Variants in TCF4 observed in about 807,000 individuals in gnomAD.
The protein encoded by TCF4 is SL3-3 enhancer factor 2.
A neutral mutation model predicts 82.1 loss-of-function variants in TCF4; 3 were observed. The ratio of observed to expected loss-of-function variants is 0.04; its 90% CI spans 0.02 to 0.09. The LOEUF (loss-of-function observed/expected upper bound fraction) is 0.09. TCF4 is among the 10% of genes least tolerant of loss of function. The probability of loss-of-function intolerance (pLI) is 1.00; values close to 1 mark genes in which losing one functional copy is unlikely to be tolerated. For missense variants in TCF4, 518 were observed against 852.7 expected (o/e 0.61, Z 4.89); for synonymous variants, 276 against 309.6 (o/e 0.89, Z 1.14).
At chr18:55,459,586 T>A (rs1458468258) in intron 5 of TCF4, among the ~76,000 whole-genome samples, 1 of 152,186 alleles carries the variant, frequency 6.6e-6, no homozygotes, top group Non-Finnish European at 1.5e-5. Context: ...TGTGTGGAGA[T>A]GAATAGAGAA....
intron 3 of TCF4, among the ~76,000 whole-genome samples, chr18:55,501,073 T>G (rs769870395): frequency 6.6e-6 from 1 of 152,204 alleles, no homozygotes; most frequent in Non-Finnish European, 1.5e-5. Context: ...AATGAGTGAT[T>G]AAAAGAATTC....
Position 55,394,326 on chromosome 18 carries a change from C to T in TCF4, c.369+9128G>A, listed in dbSNP as rs546651909. On this transcript the variant is annotated intron_variant, in intron 6 of 19. Coordinates refer to ENST00000354452, the MANE Select transcript of TCF4 (RefSeq NM_001083962.2). Reference sequence around the variant, plus strand: ...GTCCTGCCTAATAACCTCAATGATACTCCTACATAATTATTCCGAAGCACG... The same window carrying T: ...GTCCTGCCTAATAACCTCAATGATATTCCTACATAATTATTCCGAAGCACG... Among the ~76,000 whole-genome samples, 19 of 152,280 alleles carry T rather than the reference C, an allele frequency of 1.2e-4. 1 individual carries two copies. In the South Asian group the frequency reaches 3.9e-3, roughly 32 times the overall value.
chr18:55,330,176 A>ATTTTTTTTTTTTTTTTTTTTTTTTTTTT (rs3077897), intron 8 of TCF4, among the ~76,000 whole-genome samples: 1 of 110,478 alleles, frequency 9.1e-6, no homozygotes. Context: ...GCAATGTTGG[A>ATTTTTTTTTTTTTTTTTTTTTTTTTTTT]TTTTTTTTTT....
chr18:55,399,916 ACACACACAC>A (rs1350406366), intron 6 of TCF4, among the ~76,000 whole-genome samples: 3 of 150,418 alleles, frequency 2.0e-5, no homozygotes, highest in African/African-American at 4.9e-5. Context: ...ACACACACAC[ACACACACAC>A]AATACTAAAA....
At chr18:55,296,798 G>T (rs1268546415) in intron 8 of TCF4, among the ~76,000 whole-genome samples, 2 of 152,212 alleles carry the variant, frequency 1.3e-5, no homozygotes, top group East Asian at 3.9e-4. Context: ...GCTCCTAATT[G>T]AAAAAATTTA....
chr18:55,600,792 G>T (rs1467443790), intron 2 of TCF4, among the ~76,000 whole-genome samples: 2 of 152,108 alleles, frequency 1.3e-5, no homozygotes, highest in African/African-American at 4.8e-5. Context: ...CAAAAATACT[G>T]TATTCAAAAA....
At chr18:55,306,108 T>TG (rs2070237945) in intron 8 of TCF4, among the ~76,000 whole-genome samples, 2 of 152,178 alleles carry the variant, frequency 1.3e-5, no homozygotes, top group Non-Finnish European at 2.9e-5. Context: ...AACAACAAAA[T>TG]CAACCACTGA....
chr18:55,471,742 G>A (rs1006702461), intron 3 of TCF4, among the ~76,000 whole-genome samples: 9 of 149,826 alleles, frequency 6.0e-5, no homozygotes, highest in Admixed American at 3.4e-4. Context: ...CTCCAGCCTC[G>A]GTGACTGAGC....
intron 3 of TCF4, among the ~76,000 whole-genome samples, chr18:55,530,309 T>C (rs747682552): frequency 1.6e-4 from 25 of 152,146 alleles, no homozygotes; most frequent in Non-Finnish European, 3.1e-4. Flanking sequence ...ACACTCTTTT[T>C]AGAAAGAGTA....
At chr18:55,285,538 G>A (rs190650817) in intron 8 of TCF4, among the ~76,000 whole-genome samples, 75 of 152,300 alleles carry the variant, frequency 4.9e-4, no homozygotes, top group Middle Eastern at 6.8e-3. Flanking sequence ...CTCAACCAAA[G>A]TTAAATAAAA....
chr18:55,257,177 C>A (rs2057046814), intron 14 of TCF4, 138 bp downstream of exon 14: 2 of 851,450 alleles, frequency 2.3e-6, no homozygotes, highest in Non-Finnish European at 1.9e-6. Flanking sequence ...ATGACTCTGG[C>A]TCCCGCAAAC....
At chr18:55,284,238 C>T (rs891206540) in intron 8 of TCF4, 2 of 151,856 alleles carry the variant, frequency 1.3e-5, no homozygotes, top group Non-Finnish European at 2.9e-5. Context: ...TGGTGAAACC[C>T]CATCTCCACC....
At chr18:55,586,222 CA>C in intron 2 of TCF4, 1 of 1,031,248 alleles carries the variant, frequency 9.7e-7, no homozygotes. Context: ...GCAGCAGCAG[CA>C]GCAGCATGAA....
intron 3 of TCF4, among the ~76,000 whole-genome samples, chr18:55,519,787 T>C (rs985059672): frequency 6.6e-6 from 1 of 152,152 alleles, no homozygotes; most frequent in Admixed American, 6.5e-5. Flanking sequence ...ATTGATGTCA[T>C]GAATAAAGAA....
intron 8 of TCF4, among the ~76,000 whole-genome samples, chr18:55,330,532 C>T (rs2077367262): frequency 6.6e-6 from 1 of 151,716 alleles, no homozygotes; most frequent in Admixed American, 6.6e-5. Context: ...AAACATATGT[C>T]TACTTTATTA....
intron 6 of TCF4, among the ~76,000 whole-genome samples, chr18:55,372,223 T>C (rs1330511318): frequency 2.6e-5 from 4 of 152,074 alleles, no homozygotes; most frequent in East Asian, 1.9e-4. Context: ...GAAGAGTAGC[T>C]TCGGTGGAAT....
chr18:55,576,799 GC>G (rs2097531588), intron 3 of TCF4, among the ~76,000 whole-genome samples: 1 of 152,048 alleles, frequency 6.6e-6, no homozygotes, highest in South Asian at 2.1e-4. Flanking sequence ...GTTAGAAGAA[GC>G]TTGTCCAACC....
chr18:55,487,465 T>C (rs1485038456), intron 3 of TCF4, among the ~76,000 whole-genome samples: 1 of 152,230 alleles, frequency 6.6e-6, no homozygotes, highest in Admixed American at 6.5e-5. Context: ...TGAACATTTG[T>C]CATGTGAAGA....
At chr18:55,464,225 T>C in intron 3 of TCF4, 88 bp from the exon 4 acceptor site, 2 of 1,181,654 alleles carry the variant, frequency 1.7e-6, no homozygotes, top group Non-Finnish European at 2.5e-6. Context: ...TTCAAATTAA[T>C]CTCCTGTTGC....
Sources: allele counts gnomAD v4.1 joint callset (sites outside exome capture counted in the v4.1 genomes callset), GRCh38; gene constraint gnomAD v4.1.1; transcripts MANE v1.5; gene names NCBI Gene and HGNC (gene_info 2026-07-23, HGNC 2026-07-21).